PPP2R3B: variants seen among roughly 807,000 people sequenced by gnomAD.
The protein encoded by PPP2R3B is protein phosphatase 2 regulatory subunit B''beta.
In PPP2R3B, 68 loss-of-function variants were observed where a neutral mutation model predicts 72.9. The ratio of observed to expected loss-of-function variants is 0.93; its 90% CI spans 0.77 to 1.14. The LOEUF is 1.14. PPP2R3B is among the 50% of genes most tolerant of loss of function. The pLI, the probability that PPP2R3B is intolerant of heterozygous loss-of-function variation, is 0.00. For synonymous variants in PPP2R3B, 466 were observed against 375.8 expected (o/e 1.24, Z -2.78); for missense variants, 1,018 against 842.0 (o/e 1.21, Z -2.59).
At chrX:344,137 G>GGAGACCTCACCAACGGGAGGCGGGAGT (rs2071141146) in intron 7 of PPP2R3B, among the ~76,000 whole-genome samples, 2 of 20,096 alleles carry the variant, frequency 1.0e-4, no homozygotes, top group Admixed American at 3.6e-4. Flanking sequence ...GAGGCGGGAG[G>GGAGACCTCACCAACGGGAGGCGGGAGT]GAGACCTCAG....
chrX:355,055 C>T (rs921192482), intron 2 of PPP2R3B, among the ~76,000 whole-genome samples: 1 of 152,124 alleles, frequency 6.6e-6, no homozygotes, highest in Non-Finnish European at 1.5e-5. Flanking sequence ...CCGATGCAGA[C>T]GAGAAGAGAA....
At chrX:346,577 G>T in intron 5 of PPP2R3B, 124 bp downstream of exon 5, 1 of 934,350 alleles carries the variant, frequency 1.1e-6, no homozygotes. Flanking sequence ...GAGCGCGGCC[G>T]CCTCCTCCGG....
intron 12 of PPP2R3B, chrX:338,120 C>T (rs185545244): frequency 1.6e-4 from 30 of 188,670 alleles, no homozygotes; most frequent in Admixed American, 6.4e-4. Flanking sequence ...AAGGCGAACA[C>T]GTCGCAAATA....
intron 2 of PPP2R3B, among the ~76,000 whole-genome samples, chrX:356,302 A>G (rs1167344455): frequency 6.6e-6 from 1 of 151,868 alleles, no homozygotes; most frequent in African/African-American, 2.4e-5. Context: ...TGCAACCTCC[A>G]CCTCCCAGGT....
chrX:345,118 C>G (rs1455426844), intron 7 of PPP2R3B: 4 of 484,734 alleles, frequency 8.3e-6, no homozygotes, highest in Non-Finnish European at 1.2e-5. Context: ...CCACCTAGCC[C>G]GGGATTGGAT....
rs749271775 is a variant in PPP2R3B at position 362,499 on chromosome X, C to T, written c.325-909G>A. ...GGGCTGTGTCCTTCCCCATCAACTA[C>T]TCGGGACGAGGCTTCGTCCTCCCCC... On this transcript the variant is annotated intron_variant, in intron 1 of 12. Coordinates refer to ENST00000390665, the MANE Select transcript of PPP2R3B (RefSeq NM_013239.5). Among the ~76,000 whole-genome samples, 7 of 151,538 alleles carry T rather than the reference C, an allele frequency of 4.6e-5. No homozygotes were observed. In the South Asian group the frequency reaches 1.5e-3, roughly 32 times the overall value.
At chrX:353,589 TC>T (rs1293380398) in intron 2 of PPP2R3B, among the ~76,000 whole-genome samples, 11 of 152,262 alleles carry the variant, frequency 7.2e-5, no homozygotes, top group Admixed American at 2.0e-4. Flanking sequence ...GAGGCCAGCA[TC>T]CCCCCGATGC....
chrX:346,312 G>T, intron 5 of PPP2R3B, 52 bp from the exon 6 acceptor site: 1 of 1,507,298 alleles, frequency 6.6e-7, no homozygotes, highest in Non-Finnish European at 9.0e-7. Context: ...CAGGAGCCTC[G>T]CCCCGCACGG....
chrX:341,667 G>T, intron 8 of PPP2R3B: 1 of 665,864 alleles, frequency 1.5e-6, no homozygotes, highest in East Asian at 2.7e-5. Context: ...CCTGGGGCCT[G>T]GGCCACCCCC....
chrX:347,277 C>T lies in PPP2R3B; in HGVS notation c.674G>A (p.Gly225Asp). 1.2e-6 allele frequency: 2 copies of T among 1,613,802 alleles called. No homozygotes were observed. Among genetic ancestry groups the T allele is most frequent in the South Asian group, 2.2e-5 (2 of 91,076 alleles). ...AKFVHLLMSP[G>D]CNYLVQEDFV... is the part of the protein sequence containing the mutation. ...GTCCTCCTGCACCAGGTAGTTGCAG[C>T]CGGGGCTCATGAGCAGATGGACGAA... The change falls in exon 4 of 13, where the codon GGC (glycine) becomes GAC (aspartate). Residue 225 changes from glycine (G) to aspartate (D), a missense_variant. By Grantham distance (94) the Gly-to-Asp change is moderately conservative (BLOSUM62 -1). Transcript: ENST00000390665.
chrX:376,040 A>G (rs1381970984), intron 1 of PPP2R3B, among the ~76,000 whole-genome samples: 2 of 151,986 alleles, frequency 1.3e-5, no homozygotes, highest in South Asian at 4.2e-4. Context: ...AAAAATACAA[A>G]ATTAGCTGGG....
rs2071208919 is a variant in PPP2R3B, at chrX:346,218, C to CGGACCA, written c.829_834dup (p.Trp277_Ser278dup). Reference sequence around the variant, plus strand: ...CGCAGCTCGGCGCAGGTGATCCTGCCGGACCAGGACCGGTTCACGGCGTAG... The same window carrying CGGACCA: ...CGCAGCTCGGCGCAGGTGATCCTGCCGGACCAGGACCAGGACCGGTTCACGGCGTAG... On this transcript the variant is annotated inframe_insertion, in exon 6 of 13. Transcript: ENST00000390665. 1 of 1,571,490 alleles carries CGGACCA rather than the reference C, an allele frequency of 6.4e-7. No homozygotes were observed. Among genetic ancestry groups the CGGACCA allele is most frequent in the Non-Finnish European group, 8.6e-7 (1 of 1,160,414 alleles).
chrX:356,105 C>A (rs2071428749), intron 2 of PPP2R3B, among the ~76,000 whole-genome samples: 1 of 152,198 alleles, frequency 6.6e-6, no homozygotes, highest in Non-Finnish European at 1.5e-5. Context: ...GGGACGCCTG[C>A]ACACGCACAG....
intron 4 of PPP2R3B, 54 bp from the exon 5 acceptor site, chrX:346,829 G>A: frequency 2.6e-6 from 4 of 1,521,232 alleles, no homozygotes; most frequent in South Asian, 2.3e-5. Flanking sequence ...CTCCCGTGAG[G>A]TGTGCGGTGT....
intron 6 of PPP2R3B, 139 bp from the exon 7 acceptor site, chrX:345,811 G>A (rs1324594165): frequency 2.8e-6 from 2 of 725,224 alleles, no homozygotes; most frequent in South Asian, 3.6e-5. Flanking sequence ...CTGGGGCCGG[G>A]GGGCACTCCG....
intron 1 of PPP2R3B, among the ~76,000 whole-genome samples, chrX:380,158 A>T (rs1257557174): frequency 6.6e-6 from 1 of 152,200 alleles, no homozygotes; most frequent in Non-Finnish European, 1.5e-5. Flanking sequence ...AATATTTGAC[A>T]CCTTGTGGTA....
chrX:364,715 C>A (rs1474297731), intron 1 of PPP2R3B, among the ~76,000 whole-genome samples: 3 of 49,968 alleles, frequency 6.0e-5, no homozygotes, highest in Admixed American at 4.5e-4. Context: ...GAGACTCTGT[C>A]TCAAAACAAA....
chrX:360,540 G>A (rs959652974), intron 2 of PPP2R3B, among the ~76,000 whole-genome samples: 1 of 152,088 alleles, frequency 6.6e-6, no homozygotes, highest in Admixed American at 6.5e-5. Context: ...TCTCAAACAA[G>A]CAAACCCAAA....
chrX:347,741 G>A lies in PPP2R3B; in HGVS notation c.511-48C>T, dbSNP rs780247812. On this transcript the variant is annotated intron_variant, in intron 2 of 12. Transcript: ENST00000390665. ...GGGCAGTCAGCAGGGCCTGGACGCC[G>A]GCGCTCCTGCTGCGTACCTCGCGCC... 46 of 1,401,122 alleles carry A rather than the reference G, an allele frequency of 3.3e-5. No individual in the cohort carries two copies. In the East Asian group the frequency reaches 7.8e-4, roughly 24 times the overall value. 86.8% of individuals were successfully genotyped at this position (1,401,122 alleles called of 1,614,324 possible). A position where few individuals can be genotyped will look rare whatever the true frequency, so the allele number is the denominator to read the frequency against.
Sources: allele counts gnomAD v4.1 joint callset (sites outside exome capture counted in the v4.1 genomes callset), GRCh38; gene constraint gnomAD v4.1.1; transcripts MANE v1.5; gene names NCBI Gene and HGNC (gene_info 2026-07-23, HGNC 2026-07-21).